Variants in CAMTA1 observed in about 807,000 individuals in gnomAD.
CAMTA1 encodes calmodulin binding transcription activator 1, also known as calmodulin-binding transcription activator 1.
Under a neutral mutation model 170.9 loss-of-function variants are expected in CAMTA1, and 27 were observed. The ratio of observed to expected loss-of-function variants is 0.16; its 90% CI spans 0.12 to 0.22. CAMTA1 has a LOEUF of 0.22. Among genes scored for constraint, CAMTA1 ranks in the 10% least tolerant of loss-of-function variants. The pLI is 1.00. For missense variants in CAMTA1, 1,619 were observed against 2,217.2 expected, an observed-to-expected ratio of 0.73 and a Z score of 5.42; for synonymous variants, 833 against 891.5, an observed-to-expected ratio of 0.93 and a Z score of 1.17.
intron 1 of CAMTA1, among the ~76,000 whole-genome samples, chr1:6,818,686 G>A (rs1317588976): frequency 1.3e-5 from 2 of 151,786 alleles, no homozygotes; most frequent in South Asian, 2.1e-4. Flanking sequence ...TCATCCAGGC[G>A]GGAGTGCAGT....
chr1:7,693,608 T>C (rs556738673), intron 11 of CAMTA1: 4 of 152,338 alleles, frequency 2.6e-5, no homozygotes, highest in East Asian at 1.9e-4. Context: ...AGGATACAGA[T>C]TAAAATCAGC....
rs373288834 is a variant in CAMTA1 at position 6,830,125 on chromosome 1, C to T, written c.234+4915C>T. Among the ~76,000 whole-genome samples, 21 of 151,994 alleles carry T rather than the reference C, an allele frequency of 1.4e-4. 1 individual carries two copies. In the South Asian group the frequency reaches 3.7e-3, roughly 27 times the overall value. On this transcript the variant is annotated intron_variant, in intron 3 of 22. Transcript: ENST00000303635. ...GATCTCCGCTCACTGCAAGCTCCGC[C>T]TCCCGGGTTCACGCCATTCTCCTGC...
intron 3 of CAMTA1, among the ~76,000 whole-genome samples, chr1:6,900,095 G>C (rs925147027): frequency 6.6e-6 from 1 of 152,232 alleles, no homozygotes; most frequent in African/African-American, 2.4e-5. Context: ...TTACCAGGCT[G>C]AAAGAGATCA....
chr1:6,827,517 T>G (rs1371343290), intron 3 of CAMTA1, among the ~76,000 whole-genome samples: 1 of 152,150 alleles, frequency 6.6e-6, no homozygotes, highest in East Asian at 1.9e-4. Context: ...GAATGTTATG[T>G]GGCGATGATA....
chr1:7,327,561 A>G (rs568234898), intron 5 of CAMTA1, among the ~76,000 whole-genome samples: 2 of 152,292 alleles, frequency 1.3e-5, no homozygotes, highest in African/African-American at 4.8e-5. Context: ...AGATTGAAGA[A>G]ATAGCAGCAT....
intron 3 of CAMTA1, among the ~76,000 whole-genome samples, chr1:7,049,304 A>G (rs1475602295): frequency 1.3e-5 from 2 of 152,092 alleles, no homozygotes; most frequent in African/African-American, 4.8e-5. Flanking sequence ...GGGAGGGGGC[A>G]GCGTCAAGGC....
At position 7,304,261 on chromosome 1, in the gene CAMTA1, C is replaced by T. The variant is rs536935316; in HGVS notation, c.438+54635C>T. On this transcript the variant is annotated intron_variant, in intron 5 of 22. Coordinates refer to ENST00000303635, the MANE Select transcript of CAMTA1 (RefSeq NM_015215.4). ...CTACCACTATTTTTTAAAAAGACCT[C>T]GAGATGGGAGTTGGTATTGGATAGA... Among the ~76,000 whole-genome samples, 8 of 152,174 alleles carry T rather than the reference C, an allele frequency of 5.3e-5. No homozygotes were observed. The South Asian group carries it at 6.2e-4, about 12-fold the overall frequency.
intron 3 of CAMTA1, among the ~76,000 whole-genome samples, chr1:7,089,731 C>G (rs969185295): frequency 1.3e-5 from 2 of 152,096 alleles, no homozygotes; most frequent in African/African-American, 4.8e-5. Context: ...AGTAAACAAG[C>G]AATTAGAATG....
rs201078711 is a variant in CAMTA1, at chr1:6,832,079, A to AT, written c.234+6878dup. ...ACTGTTTTTAACATCAAGCCACCTT[A>AT]TTTTTTTTTATTTTTTTTTTTTGAG... On this transcript the variant is annotated intron_variant, in intron 3 of 22. Transcript: ENST00000303635. Among the ~76,000 whole-genome samples the AT allele has an allele frequency of 6.7e-3, 1,001 of 150,250 alleles. 10 individuals are homozygous for AT. The highest frequency in any genetic ancestry group is 0.023 in the African/African-American group (921 of 40,926).
chr1:7,587,989 A>T (rs2095325244), intron 6 of CAMTA1, among the ~76,000 whole-genome samples: 1 of 152,112 alleles, frequency 6.6e-6, no homozygotes, highest in South Asian at 2.1e-4. Flanking sequence ...CAGGTCCTTG[A>T]TCCCCTATCG....
chr1:7,393,507 G>A (rs924643109), intron 5 of CAMTA1, among the ~76,000 whole-genome samples: 1 of 151,822 alleles, frequency 6.6e-6, no homozygotes, highest in African/African-American at 2.4e-5. Context: ...CCAACTCCTG[G>A]GCTAAAGTGA....
chr1:7,703,523 A>T (rs1178795301), intron 11 of CAMTA1, among the ~76,000 whole-genome samples: 1 of 152,090 alleles, frequency 6.6e-6, no homozygotes, highest in African/African-American at 2.4e-5. Context: ...CTAACCAGCG[A>T]TTCCTCATTG....
intron 6 of CAMTA1, among the ~76,000 whole-genome samples, chr1:7,614,971 C>G (rs373070242): frequency 6.6e-6 from 1 of 152,224 alleles, no homozygotes; most frequent in Non-Finnish European, 1.5e-5. Context: ...ATTTCCCAAC[C>G]GCTGCTTCTT....
intron 3 of CAMTA1, among the ~76,000 whole-genome samples, chr1:6,949,264 G>C (rs985173719): frequency 1.3e-5 from 2 of 152,224 alleles, no homozygotes; most frequent in African/African-American, 4.8e-5. Context: ...TCGAACTGTT[G>C]GAATTTCAGA....
intron 3 of CAMTA1, among the ~76,000 whole-genome samples, chr1:7,037,949 A>G (rs1050821061): frequency 3.3e-5 from 5 of 151,278 alleles, no homozygotes; most frequent in African/African-American, 1.2e-4. Context: ...TTTAAACACA[A>G]TGGTTAAAAT....
At position 7,480,290 on chromosome 1, in the gene CAMTA1, CGT is replaced by C. The variant is rs574052710; in HGVS notation, c.510+12396_510+12397del. On this transcript the variant is annotated intron_variant, in intron 6 of 22. Transcript: ENST00000303635. ...GTGTGAGTGCATCTGTGTATGAGTGCGTGTGTGTATGAGTGCATTTGTAAGTG... is the reference window on the plus strand; with the variant it reads ...GTGTGAGTGCATCTGTGTATGAGTGCGTGTGTATGAGTGCATTTGTAAGTG... 1.0e-3 allele frequency among the ~76,000 whole-genome samples: 145 copies of C among 143,028 alleles called. 2 individuals carry two copies. The highest frequency in any genetic ancestry group is 3.5e-3 in the African/African-American group (132 of 37,812). 93.8% of individuals were successfully genotyped at this position (143,028 alleles called of 152,430 possible). A position where few individuals can be genotyped will look rare whatever the true frequency, so the allele number is the denominator to read the frequency against.
chr1:7,684,637 C>T (rs1173580655), intron 11 of CAMTA1, among the ~76,000 whole-genome samples: 1 of 152,216 alleles, frequency 6.6e-6, no homozygotes, highest in Non-Finnish European at 1.5e-5. Context: ...CTTTTAAGGA[C>T]ACCAGTCATT....
chr1:6,825,322 A>T (rs1474527867), intron 3 of CAMTA1, 112 bp downstream of exon 3: 1 of 593,400 alleles, frequency 1.7e-6, no homozygotes, highest in Admixed American at 3.2e-5. Context: ...TGATCTAGGA[A>T]ATTGTAAATG....
chr1:7,544,919 G>A (rs1160096310), intron 6 of CAMTA1, among the ~76,000 whole-genome samples: 1 of 152,128 alleles, frequency 6.6e-6, no homozygotes, highest in African/African-American at 2.4e-5. Context: ...CTTCGGGAGA[G>A]AACTAATCTG....
Sources: allele counts gnomAD v4.1 joint callset (sites outside exome capture counted in the v4.1 genomes callset), GRCh38; gene constraint gnomAD v4.1.1; transcripts MANE v1.5; gene names NCBI Gene and HGNC (gene_info 2026-07-23, HGNC 2026-07-21).